The following ITPR2 variants were observed in gnomAD, a reference collection of about 807,000 sequenced individuals.
ITPR2 encodes the protein inositol 1,4,5-trisphosphate receptor type 2, also known as inositol 1,4,5-trisphosphate-gated calcium channel ITPR2.
In ITPR2, 207 loss-of-function variants were observed where a neutral mutation model predicts 317.1. That is an observed-to-expected ratio of 0.65 (90% CI 0.58 to 0.73). ITPR2 has a LOEUF of 0.73. ITPR2 is among the 30% of genes least tolerant of loss of function. The pLI, the probability that ITPR2 is intolerant of heterozygous loss-of-function variation, is 0.00. For missense variants in ITPR2, 2,613 were observed against 3,284.0 expected, an observed-to-expected ratio of 0.80 and a Z score of 4.99; for synonymous variants, 1,156 against 1,149.1, an observed-to-expected ratio of 1.01 and a Z score of -0.12.
intron 49 of ITPR2, among the ~76,000 whole-genome samples, chr12:26,421,768 A>G (rs1940900265): frequency 6.6e-6 from 1 of 152,196 alleles, no homozygotes; most frequent in South Asian, 2.1e-4. Context: ...CCTCAAGTCA[A>G]CACACAAATT....
At position 26,382,417 on chromosome 12, in the gene ITPR2, C is replaced by T. The variant is rs543154816; in HGVS notation, c.7857+5017G>A. Among the ~76,000 whole-genome samples, 104 of 152,276 alleles carry T rather than the reference C, an allele frequency of 6.8e-4. No homozygotes were observed. In the South Asian group the frequency reaches 0.01, roughly 15 times the overall value. ...CTGTGGCTCACACCTGTAATCCTAG[C>T]ACTTTGGGAGATCGAAGCAGGTGGA... On this transcript the variant is annotated intron_variant, in intron 55 of 56. Coordinates refer to ENST00000381340, the MANE Select transcript of ITPR2 (RefSeq NM_002223.4).
intron 45 of ITPR2, among the ~76,000 whole-genome samples, chr12:26,459,368 A>G (rs1941960961): frequency 2.0e-5 from 3 of 152,150 alleles, no homozygotes; most frequent in African/African-American, 7.2e-5. Flanking sequence ...AGTCATTGCT[A>G]TTCTGACTCT....
At chr12:26,588,711 C>A (rs139021992) in intron 32 of ITPR2, among the ~76,000 whole-genome samples, 1 of 151,884 alleles carries the variant, frequency 6.6e-6, no homozygotes, top group East Asian at 1.9e-4. Flanking sequence ...ATAATAAAAC[C>A]AATTATATCA....
At chr12:26,570,490 T>C (rs532247063) in intron 34 of ITPR2, among the ~76,000 whole-genome samples, 2 of 152,350 alleles carry the variant, frequency 1.3e-5, no homozygotes, top group South Asian at 4.1e-4. Flanking sequence ...ATAATGTTTA[T>C]TTAATAGAGA....
At chr12:26,418,472 C>A (rs1281481488) in intron 50 of ITPR2, among the ~76,000 whole-genome samples, 1 of 151,744 alleles carries the variant, frequency 6.6e-6, no homozygotes. Context: ...TAAAAAGTAA[C>A]CTTTAGAAAA....
chr12:26,402,705 T>C (rs983387152), intron 52 of ITPR2, among the ~76,000 whole-genome samples: 1 of 152,240 alleles, frequency 6.6e-6, no homozygotes, highest in African/African-American at 2.4e-5. Context: ...GAAGCCTCTA[T>C]GCCCTCAGTT....
chr12:26,496,207 T>C (rs1942927455), intron 37 of ITPR2, among the ~76,000 whole-genome samples: 1 of 152,170 alleles, frequency 6.6e-6, no homozygotes, highest in Admixed American at 6.5e-5. Flanking sequence ...GTAAGGAAAC[T>C]GTGGCCCAAG....
chr12:26,466,420 G>A (rs767665693), intron 45 of ITPR2, among the ~76,000 whole-genome samples: 19 of 152,168 alleles, frequency 1.2e-4, no homozygotes, highest in Non-Finnish European at 2.5e-4. Context: ...TGTTAGCCAA[G>A]GCCTCGGGTA....
At chr12:26,682,178 G>T in intron 12 of ITPR2, 144 bp from the exon 13 acceptor site, 1 of 661,148 alleles carries the variant, frequency 1.5e-6, no homozygotes, top group Non-Finnish European at 2.5e-6. Context: ...CATCCACTAT[G>T]AAAGGCTGCA....
Position 26,599,975 on chromosome 12 carries a change from T to G in ITPR2, c.3801+12A>C. 6.3e-7 allele frequency: 1 copy of G among 1,589,824 alleles called. No homozygotes were observed. Among genetic ancestry groups the G allele is most frequent in the Non-Finnish European group, 8.6e-7 (1 of 1,160,158 alleles). Reference sequence around the variant, plus strand: ...CTTTACTAGAAATACTAGAAGCCACTAAAATACTTACACCTGGAGTTAAAA... The same window carrying G: ...CTTTACTAGAAATACTAGAAGCCACGAAAATACTTACACCTGGAGTTAAAA... On this transcript the variant is annotated intron_variant, in intron 29 of 56. Transcript: ENST00000381340.
At chr12:26,595,294 T>C (rs1945814154) in intron 32 of ITPR2, among the ~76,000 whole-genome samples, 171 bp downstream of exon 32, 1 of 152,256 alleles carries the variant, frequency 6.6e-6, no homozygotes, top group African/African-American at 2.4e-5. Flanking sequence ...TTTGTGTATA[T>C]ATTAACTCAT....
intron 10 of ITPR2, among the ~76,000 whole-genome samples, chr12:26,692,710 G>A (rs377241643): frequency 2.0e-5 from 3 of 152,120 alleles, no homozygotes; most frequent in Non-Finnish European, 2.9e-5. Context: ...GACACACACC[G>A]CCTCATTTCA....
chr12:26,436,161 T>C, intron 48 of ITPR2, 60 bp downstream of exon 48: 1 of 1,427,856 alleles, frequency 7.0e-7, no homozygotes, highest in East Asian at 2.5e-5. Context: ...ATTTTGAAGC[T>C]TTAAATAGTT....
intron 21 of ITPR2, among the ~76,000 whole-genome samples, chr12:26,645,710 T>A (rs1021096890): frequency 6.6e-6 from 1 of 152,320 alleles, no homozygotes; most frequent in East Asian, 1.9e-4. Flanking sequence ...CTAACACTTC[T>A]TAGCACTGTG....
At chr12:26,591,439 T>A (rs1024761309) in intron 32 of ITPR2, among the ~76,000 whole-genome samples, 1 of 152,138 alleles carries the variant, frequency 6.6e-6, no homozygotes, top group African/African-American at 2.4e-5. Flanking sequence ...CAATAACAAA[T>A]GCTGAAGAGC....
chr12:26,392,891 T>A (rs1291388709), intron 54 of ITPR2, among the ~76,000 whole-genome samples: 1 of 152,216 alleles, frequency 6.6e-6, no homozygotes, highest in African/African-American at 2.4e-5. Flanking sequence ...TTTCGACATC[T>A]CTTTCTTACT....
At chr12:26,775,371 G>A (rs1488042506) in intron 2 of ITPR2, among the ~76,000 whole-genome samples, 1 of 151,978 alleles carries the variant, frequency 6.6e-6, no homozygotes, top group Non-Finnish European at 1.5e-5. Context: ...CTAGAACAAT[G>A]AGCCAATGCA....
rs576287986 is a variant in ITPR2 at position 26,547,696 on chromosome 12, T to C, written c.5073+2551A>G. ...ATGGGTAAAGAAAATGTGATGAATA[T>C]ATGTGCAATGGAATTTTATTCAGCC... is the stretch of plus-strand genomic sequence containing the variant. On this transcript the variant is annotated intron_variant, in intron 37 of 56. Transcript: ENST00000381340. 2.0e-5 allele frequency among the ~76,000 whole-genome samples: 3 copies of C among 152,346 alleles called. No individual in the cohort carries two copies. The South Asian group carries it at 6.2e-4, about 32-fold the overall frequency.
chr12:26,736,017 C>T (rs1949113428), intron 2 of ITPR2, among the ~76,000 whole-genome samples: 1 of 152,186 alleles, frequency 6.6e-6, no homozygotes, highest in African/African-American at 2.4e-5. Flanking sequence ...CTATATTCAG[C>T]CCCTATTAGC....
Sources: gnomAD v4.1 joint callset for allele counts (sites outside exome capture counted in the v4.1 genomes callset) on GRCh38, gnomAD v4.1.1 for gene constraint, MANE v1.5 for transcripts, NCBI Gene and HGNC (gene_info 2026-07-23, HGNC 2026-07-21) for gene names.